XBP1: variants seen among roughly 807,000 people sequenced by gnomAD.
XBP1 encodes the protein X-box binding protein 1.
A neutral mutation model predicts 34.6 loss-of-function variants in XBP1; 18 were observed. The observed-to-expected ratio is 0.52, with a 90% confidence interval of 0.36 to 0.77. The LOEUF (loss-of-function observed/expected upper bound fraction) is 0.77, where lower values mean the gene tolerates loss of function less well. Ranked by LOEUF, XBP1 falls within the 30% of genes least tolerant of loss-of-function variation. The pLI, the probability that XBP1 is intolerant of heterozygous loss-of-function variation, is 0.00. For missense variants in XBP1, 422 were observed against 464.6 expected (o/e 0.91, Z 0.84); for synonymous variants, 191 against 193.4 (o/e 0.99, Z 0.11).
At position 28,795,458 on chromosome 22, in the gene XBP1, T is replaced by G. The variant is rs982143139; in HGVS notation, c.848A>C (p.Glu283Ala). Residue 283 changes from glutamate (E) to alanine (A), a missense_variant, in exon 6 of 6, where the codon GAG becomes GCG. Glu to Ala is a moderately radical substitution (Grantham distance 107). Transcript: ENST00000344347. ...CTCTGAGGGGCTGAGAGGTGCTTCC[T>G]CGATTTTCACTACCACATTAGCTTG... 2.5e-6 allele frequency: 4 copies of G among 1,610,830 alleles called. No homozygotes were observed. In the African/African-American group the frequency reaches 4.0e-5, roughly 16 times the overall value.
chr22:28,797,267 G>T, intron 2 of XBP1, 62 bp from the exon 3 acceptor site: 2 of 1,555,520 alleles, frequency 1.3e-6, no homozygotes, highest in South Asian at 2.3e-5. Flanking sequence ...GAATCTACCT[G>T]ATTCAGTATA....
intron 1 of XBP1, 75 bp from the exon 2 acceptor site, chr22:28,799,228 C>A: frequency 8.9e-7 from 1 of 1,125,502 alleles, no homozygotes; most frequent in Non-Finnish European, 1.3e-6. Flanking sequence ...ACTTTACCAG[C>A]TGGTGCTTTC....
intron 5 of XBP1, 83 bp from the exon 6 acceptor site, chr22:28,795,815 T>C (rs942063550): frequency 5.7e-6 from 8 of 1,397,356 alleles, no homozygotes; most frequent in African/African-American, 4.3e-5. Flanking sequence ...CTGGGTTCCA[T>C]AATGTAAATT....
chr22:28,797,564 TG>T (rs2031773011), intron 2 of XBP1, among the ~76,000 whole-genome samples: 1 of 152,132 alleles, frequency 6.6e-6, no homozygotes, highest in Non-Finnish European at 1.5e-5. Context: ...GTGGATCACC[TG>T]AGGTCAAGAG....
chr22:28,799,252 G>T, intron 1 of XBP1, 99 bp from the exon 2 acceptor site: 1 of 799,538 alleles, frequency 1.3e-6, no homozygotes, highest in Non-Finnish European at 2.0e-6. Context: ...TTTATTTACA[G>T]TATAAGACAG....
At chr22:28,796,985 T>TG (rs1295621061) in intron 3 of XBP1, 92 bp downstream of exon 3, 4 of 1,475,098 alleles carry the variant, frequency 2.7e-6, no homozygotes, top group Non-Finnish European at 3.6e-6. Context: ...AGAACGCTCT[T>TG]GATCAGAAGT....
At chr22:28,799,479 C>A (rs1364055094) in intron 1 of XBP1, among the ~76,000 whole-genome samples, 3 of 152,176 alleles carry the variant, frequency 2.0e-5, no homozygotes, top group Non-Finnish European at 2.9e-5. Flanking sequence ...TATTCCCCCG[C>A]TGCTTCCTGT....
At chr22:28,795,026 G>C, downstream of XBP1, 1 of 642,164 alleles carries the variant, frequency 1.6e-6, no homozygotes, top group Non-Finnish European at 2.4e-6. Context: ...ATACCTGGGG[G>C]TCATCTATGA....
At chr22:28,796,979 C>T (rs946667614) in intron 3 of XBP1, 98 bp downstream of exon 3, 13 of 1,445,526 alleles carry the variant, frequency 9.0e-6, no homozygotes, top group African/African-American at 2.9e-5. Flanking sequence ...ATTTCAAGAA[C>T]GCTCTTGATC....
intron 3 of XBP1, 54 bp from the exon 4 acceptor site, chr22:28,796,246 T>A: frequency 6.8e-7 from 1 of 1,471,632 alleles, no homozygotes; most frequent in Non-Finnish European, 9.0e-7. Context: ...AGGAAATGCT[T>A]GCTAGACAGC....
At chr22:28,799,492 C>T (rs1048654804) in intron 1 of XBP1, among the ~76,000 whole-genome samples, 1 of 152,166 alleles carries the variant, frequency 6.6e-6, no homozygotes, top group Non-Finnish European at 1.5e-5. Flanking sequence ...CTTCCTGTCT[C>T]CAGTTCTCTT....
chr22:28,800,101 A>C (rs936103159), intron 1 of XBP1, 197 bp downstream of exon 1: 2 of 734,406 alleles, frequency 2.7e-6, no homozygotes, highest in Admixed American at 2.2e-5. Context: ...GGGCCGCCCT[A>C]GGTTCCCAGC....
exon 6 of XBP1, chr22:28,795,607 T>C: frequency 6.2e-7 from 1 of 1,614,144 alleles, no homozygotes; most frequent in Non-Finnish European, 8.5e-7. Flanking sequence ...AAAGGGAGGC[T>C]GGTAAGGAAC....
At chr22:28,800,505 G>A (rs750799862) in exon 1 of XBP1, 3 of 1,489,440 alleles carry the variant, frequency 2.0e-6, no homozygotes, top group East Asian at 2.8e-5. Flanking sequence ...CGGGTTCGGC[G>A]CGGCTGCCAC....
exon 6 of XBP1, chr22:28,795,340 G>A (rs1321319039): frequency 6.4e-7 from 1 of 1,551,938 alleles, no homozygotes; most frequent in Non-Finnish European, 8.7e-7. Flanking sequence ...GGCAGTGGCT[G>A]GATGAAAGCA....
chr22:28,800,548 C>A (rs976493778), upstream of XBP1: 5 of 1,472,148 alleles, frequency 3.4e-6, no homozygotes, highest in Middle Eastern at 5.7e-4. Flanking sequence ...GCACCGCGCA[C>A]CGCGCGCCGC....
upstream of XBP1, chr22:28,800,542 C>A (rs762464007): frequency 1.8e-5 from 27 of 1,473,972 alleles, no homozygotes; most frequent in South Asian, 2.6e-4. Flanking sequence ...GACTACGCAC[C>A]GCGCACCGCG....
chr22:28,796,943 T>C, intron 3 of XBP1, 134 bp downstream of exon 3: 1 of 1,183,572 alleles, frequency 8.4e-7, no homozygotes, highest in African/African-American at 1.5e-5. Context: ...TCTGCCTGCA[T>C]GAAAATGTCT....
chr22:28,800,331 G>A (rs1447409038), exon 1 of XBP1: 2 of 1,550,906 alleles, frequency 1.3e-6, no homozygotes, highest in Non-Finnish European at 1.7e-6. Flanking sequence ...GCTCAGGTGC[G>A]TGAGGCGCTG....
Sources: allele counts gnomAD v4.1 joint callset (sites outside exome capture counted in the v4.1 genomes callset), GRCh38; gene constraint gnomAD v4.1.1; transcripts MANE v1.5; gene names NCBI Gene and HGNC (gene_info 2026-07-23, HGNC 2026-07-21).